Variants in PRPSAP2 observed in about 807,000 individuals in gnomAD.
PRPSAP2 encodes phosphoribosyl pyrophosphate synthase-associated protein 2.
A neutral mutation model predicts 40.6 loss-of-function variants in PRPSAP2; 24 were observed. The ratio of observed to expected loss-of-function variants is 0.59; its 90% confidence interval spans 0.43 to 0.83. The LOEUF (loss-of-function observed/expected upper bound fraction) is 0.83. PRPSAP2 is among the 40% of genes least tolerant of loss of function. The pLI is 0.00. For missense variants in PRPSAP2, 292 were observed against 465.6 expected (o/e 0.63, Z 3.43); for synonymous variants, 149 against 164.7 (o/e 0.90, Z 0.73).
chr17:18,865,603 T>C (rs1156678750), intron 2 of PRPSAP2, 39 bp downstream of exon 2: 1 of 215,740 alleles, frequency 4.6e-6, no homozygotes, highest in Non-Finnish European at 9.0e-6. Context: ...GTGAACATCA[T>C]GTGATAATGT....
At chr17:18,925,840 G>A (rs577593777) in intron 10 of PRPSAP2, among the ~76,000 whole-genome samples, 38 of 152,232 alleles carry the variant, frequency 2.5e-4, no homozygotes, top group Admixed American at 9.2e-4. Flanking sequence ...GGCCGGGCAC[G>A]GTGGCTCACT....
Position 18,911,037 on chromosome 17 carries a change from C to A in PRPSAP2, c.585-66C>A. 4 of 1,492,786 alleles carry A rather than the reference C, an allele frequency of 2.7e-6. No homozygotes were observed. The highest frequency in any genetic ancestry group is 3.6e-6 in the Non-Finnish European group (4 of 1,109,742). The allele number at this position is 1,492,786 out of a possible 1,614,324, so 92.5% of individuals were successfully genotyped here. ...TACTTATGTTCTCTTAATGTTTTGT[C>A]CCCTAGGCATTAGCAGAACCAAGGG... On this transcript the variant is annotated intron_variant, in intron 8 of 11. Transcript: ENST00000268835. This position sits in a 1 kb window ranked among gnomAD's most constrained non-coding sequence, Gnocchi z 4.5.
intron 8 of PRPSAP2, among the ~76,000 whole-genome samples, chr17:18,892,449 G>T (rs1376452111): frequency 1.3e-5 from 2 of 152,060 alleles, no homozygotes; most frequent in African/African-American, 4.8e-5. Context: ...CCCACCAGCA[G>T]AGTATGAGGG....
At chr17:18,917,579 T>C (rs2041412527) in intron 9 of PRPSAP2, 1 of 72,448 alleles carries the variant, frequency 1.4e-5, no homozygotes, top group Non-Finnish European at 2.4e-5. Context: ...ATTATTATTA[T>C]TATTATTTTT....
intron 7 of PRPSAP2, among the ~76,000 whole-genome samples, chr17:18,889,080 T>C (rs1037981224): frequency 6.6e-6 from 1 of 152,222 alleles, no homozygotes; most frequent in Admixed American, 6.5e-5. Flanking sequence ...AGTGCCCAAA[T>C]GGAAATATAT....
chr17:18,930,305 C>T (rs1313306767), intron 11 of PRPSAP2, among the ~76,000 whole-genome samples: 1 of 152,152 alleles, frequency 6.6e-6, no homozygotes, highest in Non-Finnish European at 1.5e-5. Context: ...ACCCAGGAGG[C>T]AGAGCTTGCA....
Position 18,882,170 on chromosome 17 carries a change from A to G in PRPSAP2, c.413-398A>G, listed in dbSNP as rs188402055. On this transcript the variant is annotated intron_variant, in intron 6 of 11. Transcript: ENST00000268835. ...CAATTTTTTAATAGTAACTTATTGT[A>G]TATAGTATTTTATGTAGTACCTATT... Among the ~76,000 whole-genome samples, 644 of 152,126 alleles carry G rather than the reference A, an allele frequency of 4.2e-3. 4 individuals are homozygous for G. Among genetic ancestry groups the G allele is most frequent in the African/African-American group, 0.015 (623 of 41,538 alleles).
chr17:18,905,638 G>A (rs1266862977), intron 8 of PRPSAP2, among the ~76,000 whole-genome samples: 2 of 151,540 alleles, frequency 1.3e-5, no homozygotes, highest in East Asian at 1.9e-4. Context: ...AGAGTGCAAT[G>A]GTGCGATCTC....
chr17:18,908,854 G>A (rs1369510609), intron 8 of PRPSAP2: 4 of 653,698 alleles, frequency 6.1e-6, no homozygotes, highest in Non-Finnish European at 1.1e-5. Flanking sequence ...GGATGCTGAG[G>A]AGAAGCAATA....
In PRPSAP2 at chr17:18,860,873, T is replaced by G. The variant is rs868370749; in HGVS notation, c.-129+2612T>G. On this transcript the variant is annotated intron_variant, in intron 1 of 11. Transcript: ENST00000268835. ...TAAAATCTTATTCAAAAGAGGAGTA[T>G]GATTTGCTCTTTAAAAGGTGCTAAG... 2.0e-4 allele frequency among the ~76,000 whole-genome samples: 30 copies of G among 152,330 alleles called. No homozygotes were observed. The Middle Eastern group carries it at 0.01, about 52-fold the overall frequency.
Position 18,911,199 on chromosome 17 carries a change from C to T in PRPSAP2, c.681C>T (p.Ser227=), listed in dbSNP as rs772566124. Residue 227 remains serine, a synonymous_variant, in exon 9 of 12, where the codon TCC becomes TCT. Coordinates refer to ENST00000268835, the MANE Select transcript of PRPSAP2 (RefSeq NM_002767.4). This position sits in a 1 kb window ranked among gnomAD's most constrained non-coding sequence, Gnocchi z 4.5. Reference sequence around the variant, plus strand: ...CGGACTTGGTGGATGGACGGCATTCCCCACCCATGGTCAGAAGTGTGGCTG... The same window carrying T: ...CGGACTTGGTGGATGGACGGCATTCTCCACCCATGGTCAGAAGTGTGGCTG... ...AESDLVDGRH[S]PPMVRSVAAI... 1 of 1,613,782 alleles carries T rather than the reference C, an allele frequency of 6.2e-7. No individual in the cohort carries two copies. Among genetic ancestry groups the T allele is most frequent in the Non-Finnish European group, 8.5e-7 (1 of 1,179,792 alleles).
chr17:18,924,548 C>T (rs1027468763), intron 10 of PRPSAP2, among the ~76,000 whole-genome samples: 9 of 151,902 alleles, frequency 5.9e-5, no homozygotes, highest in Non-Finnish European at 1.2e-4. Context: ...GCAGGCCAAT[C>T]GCTTGGGCTC....
chr17:18,889,443 A>C (rs1328667721), intron 7 of PRPSAP2, among the ~76,000 whole-genome samples: 1 of 152,222 alleles, frequency 6.6e-6, no homozygotes, highest in Non-Finnish European at 1.5e-5. Context: ...ATTTGTTTGG[A>C]CTGCAGTAAT....
At chr17:18,883,739 ACTT>A (rs2038934590) in intron 7 of PRPSAP2, among the ~76,000 whole-genome samples, 1 of 151,768 alleles carries the variant, frequency 6.6e-6, no homozygotes, top group African/African-American at 2.4e-5. Flanking sequence ...TTTCTAGATA[ACTT>A]CTTTTTACAG....
chr17:18,925,260 CCGCTAGCT>C (rs2041911292), intron 10 of PRPSAP2, among the ~76,000 whole-genome samples: 1 of 152,146 alleles, frequency 6.6e-6, no homozygotes, highest in East Asian at 1.9e-4. Flanking sequence ...CACTGGGTAC[CCGCTAGCT>C]CACTTGAGGC....
rs562263118 is a variant in PRPSAP2 at position 18,914,010 on chromosome 17, C to CA, written c.733+2765dup. Reference sequence around the variant, plus strand: ...CCAACATGATGAAACCCCGTCTCTACAAAAAATACAAAAATTAGCTGGGCA... The same window carrying CA: ...CCAACATGATGAAACCCCGTCTCTACAAAAAAATACAAAAATTAGCTGGGCA... On this transcript the variant is annotated intron_variant, in intron 9 of 11. Transcript: ENST00000268835. Among the ~76,000 whole-genome samples the CA allele has an allele frequency of 4.7e-4, 71 of 151,182 alleles. No individual in the cohort carries two copies. The East Asian group carries it at 8.8e-3, about 19-fold the overall frequency.
At position 18,871,967 on chromosome 17, in the gene PRPSAP2, G is replaced by A. The variant is rs138433580; in HGVS notation, c.173-616G>A. ...GAGCCACTGTGCCTGGCCTATGATTGTCTATAAAGATACTGTGCTCAGGCT... is the reference window on the plus strand; with the variant it reads ...GAGCCACTGTGCCTGGCCTATGATTATCTATAAAGATACTGTGCTCAGGCT... On this transcript the variant is annotated intron_variant, in intron 4 of 11. Transcript: ENST00000268835. Among the ~76,000 whole-genome samples, 677 of 152,100 alleles carry A rather than the reference G, an allele frequency of 4.5e-3. 14 individuals are homozygous for A. The highest frequency in any genetic ancestry group is 0.021 in the East Asian group (106 of 5,108).
At chr17:18,877,589 T>C in intron 5 of PRPSAP2, 109 bp from the exon 6 acceptor site, 1 of 1,072,776 alleles carries the variant, frequency 9.3e-7, no homozygotes, top group Admixed American at 2.9e-5. Flanking sequence ...TTTTCTGCCT[T>C]GCACCTTAGG....
intron 1 of PRPSAP2, among the ~76,000 whole-genome samples, chr17:18,862,230 C>T (rs1285603291): frequency 1.3e-5 from 2 of 152,142 alleles, no homozygotes; most frequent in African/African-American, 4.8e-5. Context: ...GGGCCCTCAG[C>T]GGATGTGGGC....
Sources: gnomAD v4.1 joint callset for allele counts (sites outside exome capture counted in the v4.1 genomes callset) on GRCh38, gnomAD v4.1.1 for gene constraint, Gnocchi (gnomAD v3.1) non-coding constraint, MANE v1.5 for transcripts, NCBI Gene and HGNC (gene_info 2026-07-23, HGNC 2026-07-21) for gene names.